Variants in ST6GALNAC3 observed in about 807,000 individuals in gnomAD.
The protein encoded by ST6GALNAC3 is alpha-N-acetylgalactosaminide alpha-2,6-sialyltransferase 3.
Under a neutral mutation model 32.7 loss-of-function variants are expected in ST6GALNAC3, and 25 were observed. The ratio of observed to expected loss-of-function variants is 0.76; its 90% CI spans 0.56 to 1.07. ST6GALNAC3 has a LOEUF of 1.07. Among genes scored for constraint, ST6GALNAC3 ranks in the 50% least tolerant of loss-of-function variants. The pLI, the probability that ST6GALNAC3 is intolerant of heterozygous loss-of-function variation, is 0.00. For missense variants in ST6GALNAC3, 355 were observed against 382.4 expected, an observed-to-expected ratio of 0.93 and a Z score of 0.60; for synonymous variants, 129 against 133.1, an observed-to-expected ratio of 0.97 and a Z score of 0.21.
At chr1:76,465,386 G>A (rs990371531) in intron 3 of ST6GALNAC3, among the ~76,000 whole-genome samples, 1 of 152,136 alleles carries the variant, frequency 6.6e-6, no homozygotes, top group African/African-American at 2.4e-5. Context: ...GGGACTAAAA[G>A]AAAAGAGAAA....
At chr1:76,614,891 G>A (rs991873642) in intron 3 of ST6GALNAC3, among the ~76,000 whole-genome samples, 71 of 152,158 alleles carry the variant, frequency 4.7e-4, no homozygotes, top group African/African-American at 1.6e-3. Flanking sequence ...GATCAGGGCT[G>A]TGACTGGGGG....
At chr1:76,192,197 A>G (rs1653938282) in intron 1 of ST6GALNAC3, among the ~76,000 whole-genome samples, 2 of 152,204 alleles carry the variant, frequency 1.3e-5, no homozygotes, top group African/African-American at 4.8e-5. Context: ...TTTTGACTGT[A>G]TTGGTACTTT....
chr1:76,397,222 A>G (rs993468918), intron 2 of ST6GALNAC3, among the ~76,000 whole-genome samples: 8 of 152,190 alleles, frequency 5.3e-5, no homozygotes, highest in Non-Finnish European at 7.3e-5. Context: ...AGCTCTTCCA[A>G]TACTAAAGAT....
chr1:76,383,366 A>G (rs554041749), intron 2 of ST6GALNAC3, among the ~76,000 whole-genome samples: 8 of 144,428 alleles, frequency 5.5e-5, no homozygotes, highest in African/African-American at 1.6e-4. Context: ...GAATTCCTGG[A>G]CTCAGGCGAT....
intron 2 of ST6GALNAC3, among the ~76,000 whole-genome samples, chr1:76,342,030 G>C (rs1157706339): frequency 6.6e-6 from 1 of 151,970 alleles, no homozygotes; most frequent in Non-Finnish European, 1.5e-5. Flanking sequence ...CCCTGCAGAG[G>C]ACATGAACTC....
At chr1:76,135,205 T>C (rs1043762438) in intron 1 of ST6GALNAC3, among the ~76,000 whole-genome samples, 1 of 152,200 alleles carries the variant, frequency 6.6e-6, no homozygotes, top group Non-Finnish European at 1.5e-5. Context: ...AACTTGCTAA[T>C]ATGCCCTCCA....
chr1:76,562,214 A>G (rs908067485), intron 3 of ST6GALNAC3, among the ~76,000 whole-genome samples: 14 of 152,190 alleles, frequency 9.2e-5, no homozygotes, highest in African/African-American at 3.1e-4. Flanking sequence ...AACAAAATGC[A>G]CTGAACTCAC....
In ST6GALNAC3 at chr1:76,328,977, T is replaced by G. The variant is rs377732539; in HGVS notation, c.213+14978T>G. ...GGGCATGAGTCTGTGGTCAATTTGC[T>G]TATTTGCTTCTCCAAACCAGCATGA... On this transcript the variant is annotated intron_variant, in intron 2 of 4. Coordinates refer to ENST00000328299, the MANE Select transcript of ST6GALNAC3 (RefSeq NM_152996.4). Among the ~76,000 whole-genome samples the G allele has an allele frequency of 2.8e-4, 43 of 152,326 alleles. 2 individuals are homozygous for G. The highest frequency in any genetic ancestry group is 1.0e-3 in the African/African-American group (43 of 41,572).
intron 3 of ST6GALNAC3, among the ~76,000 whole-genome samples, chr1:76,607,564 G>C (rs1647642212): frequency 6.6e-6 from 1 of 152,120 alleles, no homozygotes. Flanking sequence ...AGGGACTAAG[G>C]CCAAATATTG....
chr1:76,164,888 A>G (rs1379446740), intron 1 of ST6GALNAC3, among the ~76,000 whole-genome samples: 1 of 152,230 alleles, frequency 6.6e-6, no homozygotes, highest in East Asian at 1.9e-4. Flanking sequence ...AAAAAAATGC[A>G]GATAGTAGTA....
Position 76,528,296 on chromosome 1 carries a change from G to A in ST6GALNAC3, c.624-99156G>A, listed in dbSNP as rs181560489. On this transcript the variant is annotated intron_variant, in intron 3 of 4. Transcript: ENST00000328299. ...AACAATTCTATGAGGTAGGCTCTGG[G>A]GCTATCCTGTAGAAACTGACACTGA... 4.7e-4 allele frequency among the ~76,000 whole-genome samples: 72 copies of A among 152,190 alleles called. No individual in the cohort carries two copies. The Middle Eastern group carries it at 0.014, about 29-fold the overall frequency.
intron 2 of ST6GALNAC3, among the ~76,000 whole-genome samples, chr1:76,353,120 C>G (rs1649134195): frequency 6.6e-6 from 1 of 152,174 alleles, no homozygotes; most frequent in South Asian, 2.1e-4. Context: ...TGGGCTTTCA[C>G]TGCAGTCAGA....
chr1:76,208,117 C>CT (rs72432902), intron 1 of ST6GALNAC3, among the ~76,000 whole-genome samples: 1 of 24,304 alleles, frequency 4.1e-5, no homozygotes, highest in Non-Finnish European at 1.3e-4. Flanking sequence ...GATCCTGTAA[C>CT]CCACTTAAAC....
chr1:76,605,217 G>T (rs1647447397), intron 3 of ST6GALNAC3, among the ~76,000 whole-genome samples: 1 of 152,146 alleles, frequency 6.6e-6, no homozygotes, highest in Non-Finnish European at 1.5e-5. Context: ...GATGTTGATA[G>T]AAGATGATAT....
At chr1:76,205,412 T>A (rs549014) in intron 1 of ST6GALNAC3, among the ~76,000 whole-genome samples, 1 of 151,824 alleles carries the variant, frequency 6.6e-6, no homozygotes, top group African/African-American at 2.4e-5. Flanking sequence ...TAGGGTTCCC[T>A]GACACACAGG....
rs565804669 is a variant in ST6GALNAC3, at chr1:76,180,576, A to G, written c.18+105692A>G. Among the ~76,000 whole-genome samples, 5 of 152,256 alleles carry G rather than the reference A, an allele frequency of 3.3e-5. No homozygotes were observed. In the South Asian group the frequency reaches 1.0e-3, roughly 32 times the overall value. On this transcript the variant is annotated intron_variant, in intron 1 of 4. Transcript: ENST00000328299. ...CATGCCCCCTATCCTATACCCATAT[A>G]AACCCTGAACCCCAGACTCCAGAAG...
intron 1 of ST6GALNAC3, among the ~76,000 whole-genome samples, chr1:76,184,650 T>C (rs1013639458): frequency 1.3e-5 from 2 of 151,908 alleles, no homozygotes; most frequent in Non-Finnish European, 2.9e-5. Context: ...ATTGGCCCTT[T>C]GAGATCACTG....
At chr1:76,190,825 A>G (rs1485106279) in intron 1 of ST6GALNAC3, among the ~76,000 whole-genome samples, 2 of 152,190 alleles carry the variant, frequency 1.3e-5, no homozygotes, top group East Asian at 3.8e-4. Flanking sequence ...TATTTATTTG[A>G]TATTTATACT....
At chr1:76,489,322 A>G (rs1384366226) in intron 3 of ST6GALNAC3, among the ~76,000 whole-genome samples, 1 of 151,974 alleles carries the variant, frequency 6.6e-6, no homozygotes, top group African/African-American at 2.4e-5. Flanking sequence ...TTCCTCATTT[A>G]TTCAACAAAT....
Sources: gnomAD v4.1 joint callset for allele counts (sites outside exome capture counted in the v4.1 genomes callset) on GRCh38, gnomAD v4.1.1 for gene constraint, MANE v1.5 for transcripts, NCBI Gene and HGNC (gene_info 2026-07-23, HGNC 2026-07-21) for gene names.